The following DPP6 variants were observed in gnomAD, a reference collection of about 807,000 sequenced individuals.
DPP6 encodes the protein A-type potassium channel modulatory protein DPP6.
A neutral mutation model predicts 122.6 loss-of-function variants in DPP6; 69 were observed. The ratio of observed to expected loss-of-function variants is 0.56; its 90% CI spans 0.46 to 0.69. The LOEUF (loss-of-function observed/expected upper bound fraction) is 0.69. Ranked by LOEUF, DPP6 falls within the 30% of genes least tolerant of loss-of-function variation. The probability of loss-of-function intolerance (pLI) is 0.00; values close to 1 mark genes in which losing one functional copy is unlikely to be tolerated. For synonymous variants in DPP6, 418 were observed against 433.1 expected (o/e 0.97, Z 0.43); for missense variants, 928 against 1,116.9 (o/e 0.83, Z 2.41).
At chr7:153,807,731 G>A in the DPP6 span, among the ~76,000 whole-genome samples, 1 of 151,782 alleles carries the variant, frequency 6.6e-6, no homozygotes, top group Non-Finnish European at 1.5e-5. Context: ...TGCAGGAGGA[G>A]GGAGAATTTA....
At chr7:153,943,177 C>T (rs1448153709) in intron 1 of DPP6, among the ~76,000 whole-genome samples, 1 of 152,078 alleles carries the variant, frequency 6.6e-6, no homozygotes, top group African/African-American at 2.4e-5. Flanking sequence ...TCAATTAGAG[C>T]ACGAAATACA....
chr7:154,047,078 TCA>T (rs2079807605), intron 1 of DPP6, among the ~76,000 whole-genome samples: 1 of 148,016 alleles, frequency 6.8e-6, no homozygotes, highest in Non-Finnish European at 1.5e-5. Flanking sequence ...TGCTTTGAAG[TCA>T]AAGCCTGAGA....
chr7:154,578,490 G>C (rs1363860395), intron 5 of DPP6, among the ~76,000 whole-genome samples: 1 of 1,252 alleles, frequency 8.0e-4, no homozygotes, highest in African/African-American at 2.3e-3. Context: ...GCAAGAGTAA[G>C]CAGGGGCTAT....
At chr7:153,818,425 C>A in the DPP6 span, among the ~76,000 whole-genome samples, 2 of 151,784 alleles carry the variant, frequency 1.3e-5, no homozygotes, top group Non-Finnish European at 2.9e-5. Flanking sequence ...TAAAAGTAAA[C>A]ATTTAGGTAC....
intron 1 of DPP6, among the ~76,000 whole-genome samples, chr7:154,261,292 G>A (rs1053600144): frequency 2.0e-5 from 3 of 152,158 alleles, no homozygotes; most frequent in Non-Finnish European, 2.9e-5. Context: ...CCAGTTCACT[G>A]CATGCACGCC....
chr7:154,330,711 G>A (rs1403512801), intron 1 of DPP6, among the ~76,000 whole-genome samples: 2 of 152,220 alleles, frequency 1.3e-5, no homozygotes, highest in Admixed American at 1.3e-4. Context: ...GCACGTTGGT[G>A]TACACACCCT....
At chr7:154,305,500 C>A (rs1421907452) in intron 1 of DPP6, 1 of 1,603,456 alleles carries the variant, frequency 6.2e-7, no homozygotes, top group African/African-American at 1.3e-5. Flanking sequence ...AGACCATGAC[C>A]ACAGCCAAGG....
At chr7:154,687,467 A>G (rs991844224) in intron 7 of DPP6, among the ~76,000 whole-genome samples, 1 of 152,188 alleles carries the variant, frequency 6.6e-6, no homozygotes, top group African/African-American at 2.4e-5. Context: ...ACATCTTTGC[A>G]TGGGTGCATT....
At chr7:154,729,426 C>A (rs1285576442) in intron 8 of DPP6, among the ~76,000 whole-genome samples, 4 of 152,190 alleles carry the variant, frequency 2.6e-5, no homozygotes, top group Non-Finnish European at 5.9e-5. Context: ...GATAATTTCT[C>A]TGAAGCCATA....
intron 1 of DPP6, among the ~76,000 whole-genome samples, chr7:154,194,727 ATGT>A (rs1274861990): frequency 1.3e-5 from 2 of 152,212 alleles, no homozygotes; most frequent in African/African-American, 2.4e-5. Context: ...CTAGTGAGAA[ATGT>A]TGTTGAAAAG....
chr7:154,425,563 G>A (rs189589991), intron 1 of DPP6, among the ~76,000 whole-genome samples: 9 of 151,346 alleles, frequency 5.9e-5, no homozygotes. Flanking sequence ...CAGGGGAATG[G>A]AATTTCTTTC....
In DPP6 at chr7:154,308,838, C is replaced by T. The variant is rs116149228; in HGVS notation, c.244-137376C>T. On this transcript the variant is annotated intron_variant, in intron 1 of 25. Coordinates refer to ENST00000377770, the MANE Select transcript of DPP6 (RefSeq NM_130797.4). ...GATCAGTAAAGCTATTAAGAGAAGA[C>T]GAAAAATTAATTCCCTCTGCTTGCA... Among the ~76,000 whole-genome samples the T allele has an allele frequency of 2.0e-3, 310 of 152,234 alleles. 4 individuals are homozygous for T. Among genetic ancestry groups the T allele is most frequent in the African/African-American group, 6.7e-3 (280 of 41,552 alleles).
chr7:154,508,592 C>G (rs12530486), intron 3 of DPP6, among the ~76,000 whole-genome samples: 39,830 of 152,092 alleles, frequency 0.26, 5,396 homozygotes, highest in Non-Finnish European at 0.29. Context: ...GGAAATGTAG[C>G]CTAGTTGAGT....
rs564090421 is a variant in DPP6, at chr7:154,057,747, T to C, written c.243+4684T>C. The C allele has an allele frequency of 2.7e-5, 4 of 150,558 alleles. 1 individual carries two copies. Among genetic ancestry groups the C allele is most frequent in the African/African-American group, 1.0e-4 (4 of 39,964 alleles). 9.3% of individuals were successfully genotyped at this position (150,558 alleles called of 1,614,324 possible). ...ACAACAGCAAGTCTTTCATTAGTTA[T>C]AAGAAAATCTTCTGGCAGCCCCAGC... On this transcript the variant is annotated intron_variant, in intron 1 of 25. Transcript: ENST00000377770.
At chr7:154,656,717 C>G (rs1339357340) in intron 6 of DPP6, among the ~76,000 whole-genome samples, 2 of 147,394 alleles carry the variant, frequency 1.4e-5, no homozygotes, top group Admixed American at 1.3e-4. Flanking sequence ...AGGAGGTGCT[C>G]ATGGGTGGGT....
intron 1 of DPP6, among the ~76,000 whole-genome samples, chr7:154,234,541 G>A (rs921322415): frequency 6.6e-6 from 1 of 151,988 alleles, no homozygotes; most frequent in African/African-American, 2.4e-5. Context: ...TCCTACCTTT[G>A]GACTTGAGGG....
intron 1 of DPP6, among the ~76,000 whole-genome samples, chr7:153,962,952 C>T (rs956665736): frequency 6.6e-6 from 1 of 152,148 alleles, no homozygotes; most frequent in African/African-American, 2.4e-5. Flanking sequence ...CTTCAAGACC[C>T]AATTCCAATG....
intron 1 of DPP6, among the ~76,000 whole-genome samples, chr7:154,431,084 C>A (rs1416324168): frequency 6.6e-6 from 1 of 152,108 alleles, no homozygotes; most frequent in African/African-American, 2.4e-5. Context: ...AGACAGTGCA[C>A]CTCAAGGGAA....
At chr7:154,782,950 A>T (rs969868457) in intron 10 of DPP6, among the ~76,000 whole-genome samples, 4 of 151,958 alleles carry the variant, frequency 2.6e-5, no homozygotes, top group Admixed American at 2.6e-4. Context: ...GGCCTGGCTA[A>T]TTTTTGTATA....
Sources: gnomAD v4.1 joint callset for allele counts (sites outside exome capture counted in the v4.1 genomes callset) on GRCh38, gnomAD v4.1.1 for gene constraint, MANE v1.5 for transcripts, NCBI Gene and HGNC (gene_info 2026-07-23, HGNC 2026-07-21) for gene names.